The following UBE2E2 variants were observed in gnomAD, a reference collection of about 807,000 sequenced individuals.
UBE2E2 encodes the protein ubiquitin conjugating enzyme E2 E2, also known as ubiquitin-conjugating enzyme E2 E2.
A neutral mutation model predicts 24.7 loss-of-function variants in UBE2E2; 6 were observed. That is an observed-to-expected ratio of 0.24 (90% confidence interval 0.13 to 0.48). The LOEUF is 0.48. Among genes scored for constraint, UBE2E2 ranks in the 20% least tolerant of loss-of-function variants. The probability of loss-of-function intolerance (pLI) is 0.99; values close to 1 mark genes in which losing one functional copy is unlikely to be tolerated. For missense variants in UBE2E2, 169 were observed against 245.0 expected (o/e 0.69, Z 2.07); for synonymous variants, 104 against 83.6 (o/e 1.24, Z -1.33).
intron 3 of UBE2E2, among the ~76,000 whole-genome samples, chr3:23,333,412 A>G (rs968188979): frequency 1.3e-5 from 2 of 152,182 alleles, no homozygotes; most frequent in African/African-American, 4.8e-5. Flanking sequence ...TATTAGGACT[A>G]AAAGACATTT....
chr3:23,410,594 T>G (rs187031093), intron 3 of UBE2E2, among the ~76,000 whole-genome samples: 4 of 152,204 alleles, frequency 2.6e-5, no homozygotes, highest in Admixed American at 2.6e-4. Flanking sequence ...TCTTTTCTAC[T>G]AATTTTATTC....
chr3:23,337,941 G>A (rs538494325), intron 3 of UBE2E2, among the ~76,000 whole-genome samples: 4 of 152,256 alleles, frequency 2.6e-5, no homozygotes, highest in African/African-American at 9.6e-5. Context: ...AATTGGATGT[G>A]GGGAGATGAC....
chr3:23,337,282 G>C (rs947568297), intron 3 of UBE2E2, among the ~76,000 whole-genome samples: 2 of 152,130 alleles, frequency 1.3e-5, no homozygotes, highest in South Asian at 4.1e-4. Flanking sequence ...ATGTATTGCT[G>C]GTAGTTGTCA....
At chr3:23,361,523 T>C (rs889087443) in intron 3 of UBE2E2, among the ~76,000 whole-genome samples, 9 of 152,228 alleles carry the variant, frequency 5.9e-5, no homozygotes, top group Admixed American at 6.5e-5. Flanking sequence ...GTATGTTCTT[T>C]GCAGCAACTT....
intron 2 of UBE2E2, among the ~76,000 whole-genome samples, chr3:23,214,657 T>A (rs1284137408): frequency 1.3e-5 from 2 of 152,108 alleles, no homozygotes; most frequent in Non-Finnish European, 2.9e-5. Flanking sequence ...AGTTTTTTTA[T>A]GTTAAAAATA....
At position 23,208,777 on chromosome 3, in the gene UBE2E2, T is replaced by C. The variant is rs757726179; in HGVS notation, c.78T>C (p.Ser26=). 5 of 1,613,826 alleles carry C rather than the reference T, an allele frequency of 3.1e-6. No individual in the cohort carries two copies. The change falls in exon 2 of 6, where the codon AGT becomes AGC. Residue 26 remains serine (S), a synonymous_variant. Transcript: ENST00000396703. ...GTTCCGATGGAGATCAACGTGAAAG[T>C]GTTCAGCAAGAACCAGAAAGAGAAC... The part of the protein sequence containing the change: ...GGSSDGDQRE[S]VQQEPEREQV...
intron 3 of UBE2E2, among the ~76,000 whole-genome samples, chr3:23,462,082 A>G (rs1438203035): frequency 6.6e-6 from 1 of 152,150 alleles, no homozygotes; most frequent in East Asian, 1.9e-4. Context: ...TTAATAATAT[A>G]AGGTTAATAT....
intron 4 of UBE2E2, among the ~76,000 whole-genome samples, chr3:23,532,232 TCCCC>T (rs1695139945): frequency 6.6e-6 from 1 of 152,190 alleles, no homozygotes; most frequent in South Asian, 2.1e-4. Context: ...AGTCAGTTTC[TCCCC>T]ATGAACATTC....
intron 3 of UBE2E2, among the ~76,000 whole-genome samples, chr3:23,240,701 T>C (rs552633090): frequency 6.6e-5 from 10 of 152,366 alleles, no homozygotes; most frequent in African/African-American, 2.4e-4. Flanking sequence ...AAGCCCTTTG[T>C]ATTGTTGAGC....
At chr3:23,204,005 G>A (rs1696054099) in intron 1 of UBE2E2, among the ~76,000 whole-genome samples, 1 of 152,038 alleles carries the variant, frequency 6.6e-6, no homozygotes, top group Admixed American at 6.5e-5. Context: ...TGAGGGGTGT[G>A]TGTTGTATTG....
At chr3:23,568,017 G>T (rs1696117277) in intron 5 of UBE2E2, among the ~76,000 whole-genome samples, 1 of 152,156 alleles carries the variant, frequency 6.6e-6, no homozygotes, top group Middle Eastern at 3.2e-3. Flanking sequence ...GCCCAAATCA[G>T]AGCCCACACT....
At chr3:23,509,313 G>A (rs1282846762) in intron 4 of UBE2E2, among the ~76,000 whole-genome samples, 1 of 152,186 alleles carries the variant, frequency 6.6e-6, no homozygotes, top group Non-Finnish European at 1.5e-5. Context: ...TGTGTTGATT[G>A]TCTGTAAATT....
intron 4 of UBE2E2, among the ~76,000 whole-genome samples, chr3:23,526,938 T>G (rs1170228024): frequency 6.6e-6 from 1 of 152,228 alleles, no homozygotes; most frequent in Non-Finnish European, 1.5e-5. Flanking sequence ...TACTTTGGTT[T>G]TAACGAAATG....
At chr3:23,286,602 G>A (rs1407119599) in intron 3 of UBE2E2, among the ~76,000 whole-genome samples, 1 of 152,016 alleles carries the variant, frequency 6.6e-6, no homozygotes, top group African/African-American at 2.4e-5. Context: ...CAGTTTTGTT[G>A]CTTTTGCTTA....
In UBE2E2 at chr3:23,265,836, T is replaced by C. The variant is rs535463111; in HGVS notation, c.227+48524T>C. 1.5e-3 allele frequency among the ~76,000 whole-genome samples: 234 copies of C among 152,360 alleles called. 1 individual carries two copies. Among genetic ancestry groups the C allele is most frequent in the Middle Eastern group, 3.4e-3 (1 of 294 alleles). ...TTTATGAATCTGGGTGCTCCTGTGT[T>C]GGGTGCATATATATGTAGGATAGTT... is the stretch of plus-strand genomic sequence containing the variant. On this transcript the variant is annotated intron_variant, in intron 3 of 5. Coordinates refer to ENST00000396703, the MANE Select transcript of UBE2E2 (RefSeq NM_152653.4).
intron 3 of UBE2E2, among the ~76,000 whole-genome samples, chr3:23,307,758 A>C (rs918110235): frequency 6.6e-6 from 1 of 152,202 alleles, no homozygotes; most frequent in Non-Finnish European, 1.5e-5. Context: ...AAAATACTAT[A>C]GGGTTTTAAA....
At chr3:23,389,362 T>C (rs1184887621) in intron 3 of UBE2E2, among the ~76,000 whole-genome samples, 1 of 152,148 alleles carries the variant, frequency 6.6e-6, no homozygotes, top group East Asian at 1.9e-4. Flanking sequence ...ATCACACACA[T>C]CTCAGTCAGA....
rs764407261 is a variant in UBE2E2, at chr3:23,532,594, G to A, written c.401G>A (p.Ser134Asn). The stretch of plus-strand genomic sequence containing the variant: ...AGAATCTATCACTGTAATATTAACA[G>A]CCAAGGTGTGATCTGTCTGGACATC... ...RTRIYHCNIN[S>N]QGVICLDILK... The change falls in exon 5 of 6, where the codon AGC becomes AAC. Residue 134 changes from serine to asparagine, a missense_variant. Physicochemically the swap from Ser to Asn is conservative, Grantham distance 46. Around this residue, in one of 2 missense-constraint regions of UBE2E2, gnomAD observed 105 missense variants for 180.7 expected, o/e 0.58. Coordinates refer to ENST00000396703, the MANE Select transcript of UBE2E2 (RefSeq NM_152653.4). The A allele has an allele frequency of 5.1e-6, 8 of 1,562,020 alleles. No individual in the cohort carries two copies. Among genetic ancestry groups the A allele is most frequent in the South Asian group, 2.4e-5 (2 of 82,620 alleles).
intron 3 of UBE2E2, among the ~76,000 whole-genome samples, chr3:23,291,895 T>G (rs1481197590): frequency 3.8e-5 from 5 of 130,742 alleles, no homozygotes; most frequent in East Asian, 2.3e-4. Context: ...GTCTCGCTCT[T>G]TGGCCCAGGC....
Sources: allele counts gnomAD v4.1 joint callset (sites outside exome capture counted in the v4.1 genomes callset), GRCh38; gene constraint gnomAD v4.1.1; regional missense constraint gnomAD v4.1.1; transcripts MANE v1.5; gene names NCBI Gene and HGNC (gene_info 2026-07-23, HGNC 2026-07-21).